The following CSMD1 variants were observed in gnomAD, a reference collection of about 807,000 sequenced individuals.
CSMD1 encodes the protein CUB and sushi domain-containing protein 1.
Under a neutral mutation model 417.5 loss-of-function variants are expected in CSMD1, and 213 were observed. The observed-to-expected ratio is 0.51, with a 90% CI of 0.46 to 0.57. The LOEUF is 0.57. Ranked by LOEUF, CSMD1 falls within the 20% of genes least tolerant of loss-of-function variation. The pLI is 0.00. For missense variants in CSMD1, 6,923 were observed against 4,529.7 expected, an observed-to-expected ratio of 1.53 and a Z score of -15.17; for synonymous variants, 2,862 against 1,736.8, an observed-to-expected ratio of 1.65 and a Z score of -16.11.
chr8:4,545,997 T>G (rs1050527563), intron 2 of CSMD1, among the ~76,000 whole-genome samples: 3 of 152,156 alleles, frequency 2.0e-5, no homozygotes, highest in Admixed American at 6.5e-5. Flanking sequence ...CCCCTTCTAC[T>G]GCATTCCATC....
chr8:3,262,183 G>C (rs1346894041), intron 26 of CSMD1, among the ~76,000 whole-genome samples: 1 of 54,726 alleles, frequency 1.8e-5, no homozygotes, highest in Admixed American at 2.2e-4. Flanking sequence ...ATGCTCATAT[G>C]AATATATATA....
At chr8:4,434,117 C>T (rs1361531093) in intron 2 of CSMD1, among the ~76,000 whole-genome samples, 1 of 152,144 alleles carries the variant, frequency 6.6e-6, no homozygotes, top group Non-Finnish European at 1.5e-5. Flanking sequence ...GTGGGCAGAT[C>T]ACTTCAGGTC....
In CSMD1 at chr8:3,171,311, A is replaced by G. The variant is rs536057522; in HGVS notation, c.5726-9034T>C. ...GAAGTAAAGAATAGACAACCTGGTG[A>G]CAGAAAGTGGGGGGACTCCAAGCAG... On this transcript the variant is annotated intron_variant, in intron 37 of 69. Coordinates refer to ENST00000635120, the MANE Select transcript of CSMD1 (RefSeq NM_033225.6). 5.3e-5 allele frequency among the ~76,000 whole-genome samples: 8 copies of G among 152,340 alleles called. No homozygotes were observed. In the East Asian group the frequency reaches 1.5e-3, roughly 29 times the overall value.
At chr8:4,365,870 G>A (rs1802038382) in intron 3 of CSMD1, among the ~76,000 whole-genome samples, 1 of 152,122 alleles carries the variant, frequency 6.6e-6, no homozygotes, top group African/African-American at 2.4e-5. Flanking sequence ...TCTACTTAAA[G>A]AGTAATTTTC....
At chr8:3,053,780 G>C (rs1812030250) in intron 49 of CSMD1, among the ~76,000 whole-genome samples, 1 of 152,062 alleles carries the variant, frequency 6.6e-6, no homozygotes, top group African/African-American at 2.4e-5. Flanking sequence ...GCAGGCAGAG[G>C]GTGACATTTC....
intron 54 of CSMD1, among the ~76,000 whole-genome samples, chr8:2,991,409 A>G (rs779269816): frequency 4.7e-4 from 71 of 152,244 alleles, no homozygotes; most frequent in Non-Finnish European, 7.8e-4. Context: ...TTAAATGGAA[A>G]TAATAAAAAG....
chr8:4,554,433 G>C (rs565269196), intron 2 of CSMD1, among the ~76,000 whole-genome samples: 1 of 152,198 alleles, frequency 6.6e-6, no homozygotes, highest in Admixed American at 6.5e-5. Flanking sequence ...AGGCCACCGC[G>C]CCCAGACACA....
intron 3 of CSMD1, among the ~76,000 whole-genome samples, chr8:4,250,034 A>C (rs1190330999): frequency 3.9e-5 from 6 of 152,156 alleles, no homozygotes; most frequent in African/African-American, 1.4e-4. Flanking sequence ...CCATGAATAA[A>C]TTGATGCCCC....
chr8:4,808,271 C>G (rs905151692), intron 1 of CSMD1, among the ~76,000 whole-genome samples: 7 of 152,114 alleles, frequency 4.6e-5, no homozygotes, highest in African/African-American at 1.7e-4. Flanking sequence ...ACTACAGATG[C>G]TGGTTGAAAA....
rs113623647 is a variant in CSMD1 at position 3,468,402 on chromosome 8, C to G, written c.1561+310G>C. Among the ~76,000 whole-genome samples, 43 of 152,242 alleles carry G rather than the reference C, an allele frequency of 2.8e-4. No individual in the cohort carries two copies. The South Asian group carries it at 7.3e-3, about 26-fold the overall frequency. On this transcript the variant is annotated intron_variant, in intron 12 of 69. Transcript: ENST00000635120. ...ACATAAAAGAAGGTTTTCAGAGACA[C>G]CAGCCAATATGATATGGTCAAAAGA...
At chr8:4,493,315 C>T (rs78782934) in intron 2 of CSMD1, among the ~76,000 whole-genome samples, 10,629 of 152,026 alleles carry the variant, frequency 0.07, 591 homozygotes, top group East Asian at 0.17. Flanking sequence ...AGAGTTTGTG[C>T]GTGTGTGTGT....
intron 8 of CSMD1, among the ~76,000 whole-genome samples, chr8:3,589,600 T>A (rs1800758525): frequency 6.6e-6 from 1 of 152,010 alleles, no homozygotes; most frequent in African/African-American, 2.4e-5. Context: ...TAGCAGAGTG[T>A]GGGTATCAGG....
intron 1 of CSMD1, among the ~76,000 whole-genome samples, chr8:4,739,042 G>A (rs937227231): frequency 2.0e-5 from 3 of 148,636 alleles, no homozygotes; most frequent in African/African-American, 7.9e-5. Context: ...TGTAGTGTGA[G>A]TAACTGATAT....
intron 45 of CSMD1, chr8:3,106,908 T>G: frequency 3.2e-6 from 1 of 317,046 alleles, no homozygotes; most frequent in Non-Finnish European, 5.7e-6. Context: ...TTGGTTTCCC[T>G]TCCCCAGTGA....
intron 3 of CSMD1, among the ~76,000 whole-genome samples, chr8:4,229,719 C>T (rs1038965123): frequency 6.6e-6 from 1 of 152,054 alleles, no homozygotes; most frequent in Non-Finnish European, 1.5e-5. Context: ...TCTTGCTTGA[C>T]CCACCCCATC....
intron 26 of CSMD1, among the ~76,000 whole-genome samples, chr8:3,233,763 A>T (rs531774007): frequency 6.6e-6 from 1 of 152,222 alleles, no homozygotes; most frequent in Admixed American, 6.5e-5. Context: ...GGGGAACTTG[A>T]CTTATGGTAA....
intron 4 of CSMD1, among the ~76,000 whole-genome samples, chr8:4,007,709 G>T (rs1162124415): frequency 6.6e-6 from 1 of 151,606 alleles, no homozygotes; most frequent in East Asian, 1.9e-4. Context: ...AATGAAAATT[G>T]AATGACTCTG....
At chr8:4,030,109 T>C (rs1797264517) in intron 4 of CSMD1, among the ~76,000 whole-genome samples, 5 of 152,210 alleles carry the variant, frequency 3.3e-5, no homozygotes, top group Admixed American at 3.3e-4. Flanking sequence ...TGCTGTTAAC[T>C]GTCTGCAGCT....
chr8:4,532,106 C>T lies in CSMD1; in HGVS notation c.302+105236G>A, dbSNP rs182239993. Among the ~76,000 whole-genome samples the T allele has an allele frequency of 2.6e-3, 375 of 146,178 alleles. 3 individuals are homozygous for T. Among genetic ancestry groups the T allele is most frequent in the South Asian group, 4.4e-3 (20 of 4,564 alleles). The stretch of plus-strand genomic sequence containing the variant: ...TCACTCTGGAAGAGAAATCCTGCAC[C>T]GCCATTCACAGTCACTCCGGAAGAG... On this transcript the variant is annotated intron_variant, in intron 2 of 69. Coordinates refer to ENST00000635120, the MANE Select transcript of CSMD1 (RefSeq NM_033225.6).
Sources: gnomAD v4.1 joint callset for allele counts (sites outside exome capture counted in the v4.1 genomes callset) on GRCh38, gnomAD v4.1.1 for gene constraint, MANE v1.5 for transcripts, NCBI Gene and HGNC (gene_info 2026-07-23, HGNC 2026-07-21) for gene names.